The following SNX21 variants were observed in gnomAD, a reference collection of about 807,000 sequenced individuals.
SNX21 encodes sorting nexin family member 21, also known as sorting nexin-21.
In SNX21, 36 loss-of-function variants were observed where a neutral mutation model predicts 30.9. That is an observed-to-expected ratio of 1.16 (90% CI 0.89 to 1.54). The LOEUF is 1.54. SNX21 is among the 40% of genes most tolerant of loss of function. The pLI is 0.00. For missense variants in SNX21, 508 were observed against 516.5 expected (o/e 0.98, Z 0.16); for synonymous variants, 218 against 222.7 (o/e 0.98, Z 0.19).
chr20:45,837,759 T>C (rs1983664277), intron 3 of SNX21, among the ~76,000 whole-genome samples: 1 of 152,068 alleles, frequency 6.6e-6, no homozygotes, highest in African/African-American at 2.4e-5. Context: ...TGAACCTATT[T>C]TTTTTTCTTT....
At chr20:45,836,044 A>G (rs536132766) in intron 3 of SNX21, among the ~76,000 whole-genome samples, 53 of 151,186 alleles carry the variant, frequency 3.5e-4, no homozygotes, top group African/African-American at 1.3e-3. Context: ...CCTCTTCACC[A>G]CCCTTCTCCA....
intron 3 of SNX21, among the ~76,000 whole-genome samples, chr20:45,838,757 ATAAAG>A (rs1445314697): frequency 2.6e-5 from 4 of 152,162 alleles, no homozygotes; most frequent in Non-Finnish European, 2.9e-5. Context: ...AAATAAATAA[ATAAAG>A]TAAATAAGTA....
Position 45,842,338 on chromosome 20 carries a change from C to A in SNX21, c.*1025C>A. 1 of 1,385,820 alleles carries A rather than the reference C, an allele frequency of 7.2e-7. No individual in the cohort carries two copies. Among genetic ancestry groups the A allele is most frequent in the Non-Finnish European group, 9.3e-7 (1 of 1,072,592 alleles). 85.8% of individuals were successfully genotyped at this position (1,385,820 alleles called of 1,614,324 possible). ...CCTCTCCTCGCTTCCTCAAAAAGAT[C>A]ACAGAGGGAGGAGCTCTGAGAACAG... On this transcript the variant is annotated 3_prime_UTR_variant, in exon 4 of 4. Transcript: ENST00000491381.
intron 1 of SNX21, 120 bp from the exon 2 acceptor site, chr20:45,834,081 G>T (rs1453975416): frequency 9.3e-6 from 13 of 1,397,770 alleles, no homozygotes; most frequent in Admixed American, 3.1e-5. Context: ...GGACTGCCAG[G>T]GGGTGGGGCC....
intron 3 of SNX21, 147 bp downstream of exon 3, chr20:45,835,263 G>A: frequency 1.0e-6 from 1 of 962,642 alleles, no homozygotes; most frequent in Non-Finnish European, 1.5e-6. Context: ...GAAAGGGGAT[G>A]TAACTTGAGC....
In SNX21 at chr20:45,841,212, C is replaced by T. The variant is rs1355378747; in HGVS notation, c.1021C>T (p.Arg341Cys). The T allele has an allele frequency of 5.6e-6, 9 of 1,613,824 alleles. No individual in the cohort carries two copies. The highest frequency in any genetic ancestry group is 2.2e-5 in the South Asian group (2 of 91,070). ...CTCCTGGCGCCTGGGCCTGGACAAA[C>T]GTCAATCAGAGGCTCGGCTCCAAGC... Reference protein sequence around the residue: ...RLSWRLGLDKRQSEARLQALQ... With the variant: ...RLSWRLGLDKCQSEARLQALQ... Residue 341 changes from arginine to cysteine, a missense_variant, in exon 4 of 4, where the codon CGT becomes TGT. By Grantham distance (180) the Arg-to-Cys change is radical. Coordinates refer to ENST00000491381, the MANE Select transcript of SNX21 (RefSeq NM_033421.4).
chr20:45,833,895 C>A lies in SNX21; in HGVS notation c.-25C>A. 7.3e-7 allele frequency: 1 copy of A among 1,377,860 alleles called. No homozygotes were observed. The highest frequency in any genetic ancestry group is 1.5e-5 in the African/African-American group (1 of 65,452). 85.4% of individuals were successfully genotyped at this position (1,377,860 alleles called of 1,614,324 possible). ...TGGGCTGCGGGGGGCTGCACCCGGA[C>A]CCCTGGGGCGCGGCGCGCCCCTGAA... On this transcript the variant is annotated 5_prime_UTR_variant, in exon 1 of 4. Coordinates refer to ENST00000491381, the MANE Select transcript of SNX21 (RefSeq NM_033421.4).
Position 45,843,100 on chromosome 20 carries a change from AGAATCTTGAGGGTG to A in SNX21, c.*1793_*1806del. On this transcript the variant is annotated 3_prime_UTR_variant, in exon 4 of 4. Transcript: ENST00000491381. ...GACCTTATCCAAGACCTACTGAGTGAGAATCTTGAGGGTGGAATCAGAATCTATTTTGAAAAGGC... is the reference window on the plus strand; with the variant it reads ...GACCTTATCCAAGACCTACTGAGTGAGAATCAGAATCTATTTTGAAAAGGC... 9.2e-7 allele frequency: 1 copy of A among 1,092,476 alleles called. No individual in the cohort carries two copies. The highest frequency in any genetic ancestry group is 1.2e-6 in the Non-Finnish European group (1 of 856,974). The allele number at this position is 1,092,476 out of a possible 1,614,324, so 67.7% of individuals were successfully genotyped here. A position where few individuals can be genotyped will look rare whatever the true frequency, so the allele number is the denominator to read the frequency against.
At position 45,834,280 on chromosome 20, in the gene SNX21, C is replaced by T. The variant is rs1983293893; in HGVS notation, c.101C>T (p.Pro34Leu). Residue 34 changes from proline to leucine, a missense_variant, in exon 2 of 4, where the codon CCA becomes CTA. Coordinates refer to ENST00000491381, the MANE Select transcript of SNX21 (RefSeq NM_033421.4). ...GDGPGEAAAS[P>L]EAEQFPESSE... Reference sequence around the variant, plus strand: ...GGCCCCGGGGAGGCGGCGGCCAGTCCAGAGGCCGAGCAGTTTCCGGAGAGC... The same window carrying T: ...GGCCCCGGGGAGGCGGCGGCCAGTCTAGAGGCCGAGCAGTTTCCGGAGAGC... 6.3e-7 allele frequency: 1 copy of T among 1,590,484 alleles called. No individual in the cohort carries two copies. The highest frequency in any genetic ancestry group is 8.5e-7 in the Non-Finnish European group (1 of 1,174,834).
intron 3 of SNX21, among the ~76,000 whole-genome samples, chr20:45,835,660 G>A (rs1983466018): frequency 6.6e-6 from 1 of 152,230 alleles, no homozygotes; most frequent in South Asian, 2.1e-4. Context: ...GCCCTTAGCA[G>A]TGTGCCTGGC....
In SNX21 at chr20:45,834,301, A is replaced by G. The variant is rs774187479; in HGVS notation, c.122A>G (p.Glu41Gly). The G allele has an allele frequency of 1.3e-6, 2 of 1,595,478 alleles. No homozygotes were observed. The highest frequency in any genetic ancestry group is 1.7e-6 in the Non-Finnish European group (2 of 1,176,696). The change falls in exon 2 of 4, where the codon GAG becomes GGG. Residue 41 changes from glutamate to glycine, a missense_variant. Transcript: ENST00000491381. ...AASPEAEQFPESSELEDDDAE... is the reference protein window; with the variant it reads ...AASPEAEQFPGSSELEDDDAE... The stretch of plus-strand genomic sequence containing the variant: ...AGTCCAGAGGCCGAGCAGTTTCCGG[A>G]GAGCTCAGAGCTGGAGGACGACGAC...
intron 3 of SNX21, among the ~76,000 whole-genome samples, chr20:45,839,326 T>C (rs1031054191): frequency 7.9e-5 from 12 of 152,088 alleles, no homozygotes; most frequent in South Asian, 6.2e-4. Flanking sequence ...CCATCCTGGC[T>C]AACACAGTGA....
Position 45,843,037 on chromosome 20 carries a change from T to C in SNX21, c.*1724T>C. On this transcript the variant is annotated 3_prime_UTR_variant, in exon 4 of 4. Transcript: ENST00000491381. ...AATGCCCCGATCCCAATCAGGTTAA[T>C]CAGAATCACTTAGAGAACTTAAAAA... 8.8e-7 allele frequency: 1 copy of C among 1,133,320 alleles called. No individual in the cohort carries two copies. The highest frequency in any genetic ancestry group is 1.1e-6 in the Non-Finnish European group (1 of 914,330). 70.2% of individuals were successfully genotyped at this position (1,133,320 alleles called of 1,614,324 possible).
chr20:45,834,014 G>A, intron 1 of SNX21, 74 bp downstream of exon 1: 1 of 1,429,686 alleles, frequency 7.0e-7, no homozygotes, highest in Non-Finnish European at 9.2e-7. Context: ...GCGGTCCTAG[G>A]CTGAGTGGGT....
rs758433775 is a variant in SNX21, at chr20:45,841,849, T to C, written c.*536T>C. ...GCTGGTACCTCTGGCTACAGCTTGC[T>C]CTCTGAGACCTGGGGCTTCACTCGG... On this transcript the variant is annotated 3_prime_UTR_variant, in exon 4 of 4. Transcript: ENST00000491381. 6.2e-7 allele frequency: 1 copy of C among 1,605,102 alleles called. No individual in the cohort carries two copies. Among genetic ancestry groups the C allele is most frequent in the South Asian group, 1.1e-5 (1 of 90,002 alleles).
Position 45,841,887 on chromosome 20 carries a change from TG to T in SNX21, c.*577del, listed in dbSNP as rs760616849. 778 of 1,611,618 alleles carry T rather than the reference TG, an allele frequency of 4.8e-4. No individual in the cohort carries two copies. Among genetic ancestry groups the T allele is most frequent in the Non-Finnish European group, 6.0e-4 (711 of 1,179,442 alleles). On this transcript the variant is annotated 3_prime_UTR_variant, in exon 4 of 4. Coordinates refer to ENST00000491381, the MANE Select transcript of SNX21 (RefSeq NM_033421.4). ...GGGCTTCACTCGGATCACGCCCTCC[TG>T]GGCACAGGTCACAGCTAGGACTCCA...
intron 1 of SNX21, 38 bp from the exon 2 acceptor site, chr20:45,834,163 T>A (rs766323854): frequency 5.5e-6 from 8 of 1,451,418 alleles, no homozygotes; most frequent in Non-Finnish European, 7.2e-6. Context: ...GTACCCCTCC[T>A]CCGGGATCCG....
At position 45,842,541 on chromosome 20, in the gene SNX21, A is replaced by C; in HGVS notation, c.*1228A>C. 9.9e-7 allele frequency: 1 copy of C among 1,005,824 alleles called. No individual in the cohort carries two copies. Among genetic ancestry groups the C allele is most frequent in the Non-Finnish European group, 1.2e-6 (1 of 842,200 alleles). The allele number at this position is 1,005,824 out of a possible 1,614,324, so 62.3% of individuals were successfully genotyped here. A position where few individuals can be genotyped will look rare whatever the true frequency, so the allele number is the denominator to read the frequency against. ...GACTCAGAAGAGAGGACTTGAGGCC[A>C]TGAGGTCTGGCCTCTTCCCTCCCCA... On this transcript the variant is annotated 3_prime_UTR_variant, in exon 4 of 4. Coordinates refer to ENST00000491381, the MANE Select transcript of SNX21 (RefSeq NM_033421.4).
chr20:45,838,802 T>C (rs1472817559), intron 3 of SNX21, among the ~76,000 whole-genome samples: 3 of 152,088 alleles, frequency 2.0e-5, no homozygotes, highest in African/African-American at 2.4e-5. Flanking sequence ...CATTAAATCT[T>C]GCCTAGATGT....
Sources: gnomAD v4.1 joint callset for allele counts (sites outside exome capture counted in the v4.1 genomes callset) on GRCh38, gnomAD v4.1.1 for gene constraint, MANE v1.5 for transcripts, NCBI Gene and HGNC (gene_info 2026-07-23, HGNC 2026-07-21) for gene names.